Variants in KMT2C observed in about 807,000 individuals in gnomAD.
The protein encoded by KMT2C is histone-lysine N-methyltransferase 2C.
A neutral mutation model predicts 507.9 loss-of-function variants in KMT2C; 88 were observed. The ratio of observed to expected loss-of-function variants is 0.17; its 90% CI spans 0.15 to 0.21. The LOEUF is 0.21. Among genes scored for constraint, KMT2C ranks in the 10% least tolerant of loss-of-function variants. The pLI, the probability that KMT2C is intolerant of heterozygous loss-of-function variation, is 1.00. For synonymous variants in KMT2C, 2,049 were observed against 2,080.8 expected (o/e 0.98, Z 0.42); for missense variants, 4,954 against 5,957.8 (o/e 0.83, Z 5.55).
chr7:152,421,849 C>G (rs2097779034), intron 1 of KMT2C, among the ~76,000 whole-genome samples: 1 of 151,934 alleles, frequency 6.6e-6, no homozygotes, highest in South Asian at 2.1e-4. Context: ...GCAATGTGCC[C>G]ATGTTAACAA....
chr7:152,374,291 G>C (rs1206384904), intron 1 of KMT2C, among the ~76,000 whole-genome samples: 3 of 151,388 alleles, frequency 2.0e-5, no homozygotes, highest in South Asian at 4.2e-4. Flanking sequence ...ACTCCAGACT[G>C]GGCAAGAGAG....
rs762499227 is a variant in KMT2C, at chr7:152,195,949, C to T, written c.4336G>A (p.Gly1446Arg). 5 of 1,609,658 alleles carry T rather than the reference C, an allele frequency of 3.1e-6. No individual in the cohort carries two copies. Among genetic ancestry groups the T allele is most frequent in the Non-Finnish European group, 4.2e-6 (5 of 1,176,940 alleles). The change falls in exon 28 of 59, where the codon GGA becomes AGA. Residue 1446 changes from glycine (G) to arginine (R), a missense_variant. Physicochemically the swap from Gly to Arg is moderately radical, Grantham distance 125 (BLOSUM62 -2). Coordinates refer to ENST00000262189, the MANE Select transcript of KMT2C (RefSeq NM_170606.3). ...EVLNTDDDIL[G>R]IISDDLAKSV... Reference sequence around the variant, plus strand: ...TTTGCTAGATCATCTGAAATTATTCCAAGAATGTCATCATCTGTGTTTAAA... The same window carrying T: ...TTTGCTAGATCATCTGAAATTATTCTAAGAATGTCATCATCTGTGTTTAAA...
intron 7 of KMT2C, among the ~76,000 whole-genome samples, chr7:152,268,058 T>C (rs1348100706): frequency 3.9e-5 from 6 of 152,152 alleles, no homozygotes; most frequent in Non-Finnish European, 8.8e-5. Context: ...AGCAGATGGA[T>C]CACTTGAGGT....
At chr7:152,264,978 C>T (rs2095839474) in intron 8 of KMT2C, 60 bp downstream of exon 8, 5 of 1,581,110 alleles carry the variant, frequency 3.2e-6, no homozygotes, top group South Asian at 1.2e-5. Context: ...ACCTTTAGCA[C>T]CTAGTAATAG....
At chr7:152,268,049 G>A (rs1168776308) in intron 7 of KMT2C, among the ~76,000 whole-genome samples, 1 of 152,192 alleles carries the variant, frequency 6.6e-6, no homozygotes, top group African/African-American at 2.4e-5. Flanking sequence ...GGAGGCCAAA[G>A]CAGATGGATC....
At chr7:152,340,350 T>G (rs1173380066) in intron 2 of KMT2C, among the ~76,000 whole-genome samples, 4 of 152,036 alleles carry the variant, frequency 2.6e-5, no homozygotes, top group Non-Finnish European at 5.9e-5. Context: ...ATGGCAATAC[T>G]TTTCATGCTT....
chr7:152,391,764 G>T (rs527401591), intron 1 of KMT2C, among the ~76,000 whole-genome samples: 19 of 152,192 alleles, frequency 1.2e-4, no homozygotes, highest in African/African-American at 4.3e-4. Context: ...CTCGGCCTCA[G>T]CCTCCCAAAG....
intron 9 of KMT2C, among the ~76,000 whole-genome samples, chr7:152,257,729 T>C (rs2095684409): frequency 1.3e-5 from 2 of 152,142 alleles, no homozygotes. Flanking sequence ...TATATGAATA[T>C]TTATGTGTAT....
At chr7:152,316,199 G>T in intron 3 of KMT2C, among the ~76,000 whole-genome samples, 1 of 152,098 alleles carries the variant, frequency 6.6e-6, no homozygotes, top group East Asian at 1.9e-4. Flanking sequence ...GGATTTTTTA[G>T]GCCAGTGAAA....
intron 1 of KMT2C, among the ~76,000 whole-genome samples, chr7:152,422,942 G>A (rs758919338): frequency 8.6e-5 from 13 of 151,662 alleles, no homozygotes; most frequent in Admixed American, 4.6e-4. Context: ...GCATGAACCC[G>A]GGAGGCGGAG....
At chr7:152,330,178 GGAGAAA>G (rs1405407759) in intron 3 of KMT2C, among the ~76,000 whole-genome samples, 2 of 127,728 alleles carry the variant, frequency 1.6e-5, no homozygotes, top group African/African-American at 5.8e-5. Context: ...GTGGGGGGGG[GGAGAAA>G]AAGAAAGAAA....
intron 6 of KMT2C, among the ~76,000 whole-genome samples, chr7:152,307,579 T>C (rs929130247): frequency 6.6e-6 from 1 of 152,322 alleles, no homozygotes. Flanking sequence ...TTAACTTGCT[T>C]AGGCCCACCA....
chr7:152,311,727 C>T (rs2096673324), intron 5 of KMT2C, 71 bp downstream of exon 5: 1 of 1,118,292 alleles, frequency 8.9e-7, no homozygotes. Context: ...TTATTGAGGA[C>T]ATTAATAATG....
chr7:152,312,595 A>AT (rs1272090922), intron 4 of KMT2C, among the ~76,000 whole-genome samples: 2 of 152,236 alleles, frequency 1.3e-5, no homozygotes, highest in African/African-American at 2.4e-5. Context: ...CAAAAGCAAA[A>AT]TAGCTACCAA....
At chr7:152,279,108 T>A in intron 6 of KMT2C, among the ~76,000 whole-genome samples, 1 of 149,388 alleles carries the variant, frequency 6.7e-6, no homozygotes, top group African/African-American at 2.5e-5. Flanking sequence ...TAGGTTATAT[T>A]CAGTAAAAGC....
chr7:152,419,039 G>T (rs1293757811), intron 1 of KMT2C, among the ~76,000 whole-genome samples: 2 of 151,930 alleles, frequency 1.3e-5, no homozygotes, highest in East Asian at 1.9e-4. Context: ...TACATAAAAA[G>T]ATTTGTTTTT....
intron 9 of KMT2C, among the ~76,000 whole-genome samples, chr7:152,259,583 C>G (rs1327780774): frequency 6.6e-6 from 1 of 151,986 alleles, no homozygotes; most frequent in Admixed American, 6.6e-5. Context: ...TTTATTTTCT[C>G]CAACTTTTAG....
chr7:152,253,542 AAT>A lies in KMT2C; in HGVS notation c.1300-829_1300-828del, dbSNP rs2095597706. Among the ~76,000 whole-genome samples, 4 of 149,788 alleles carry A rather than the reference AAT, an allele frequency of 2.7e-5. No homozygotes were observed. In the South Asian group the frequency reaches 8.4e-4, roughly 32 times the overall value. On this transcript the variant is annotated intron_variant, in intron 9 of 58. Transcript: ENST00000262189. ...AAAAAAAAAAAAAAAAAAAAAAAAA[AAT>A]TTAATTAGCCATGGTGGTGCACACC...
chr7:152,208,573 G>A (rs2094368356), intron 23 of KMT2C, among the ~76,000 whole-genome samples: 1 of 152,112 alleles, frequency 6.6e-6, no homozygotes, highest in African/African-American at 2.4e-5. Context: ...ACTGAATGAG[G>A]TAAATGGAAT....
Sources: allele counts gnomAD v4.1 joint callset (sites outside exome capture counted in the v4.1 genomes callset), GRCh38; gene constraint gnomAD v4.1.1; transcripts MANE v1.5; gene names NCBI Gene and HGNC (gene_info 2026-07-23, HGNC 2026-07-21).